The following SNTB1 variants were observed in gnomAD, a reference collection of about 807,000 sequenced individuals.
SNTB1 encodes the protein beta-1-syntrophin.
In SNTB1, 36 loss-of-function variants were observed where a neutral mutation model predicts 48.9. The ratio of observed to expected loss-of-function variants is 0.74; its 90% CI spans 0.56 to 0.97. The LOEUF (loss-of-function observed/expected upper bound fraction) is 0.97. SNTB1 is among the 50% of genes least tolerant of loss of function. The pLI is 0.00. For synonymous variants in SNTB1, 299 were observed against 294.6 expected (o/e 1.01, Z -0.15); for missense variants, 786 against 703.4 (o/e 1.12, Z -1.33).
chr8:120,806,193 A>C (rs1315168123), intron 1 of SNTB1, among the ~76,000 whole-genome samples: 2 of 152,206 alleles, frequency 1.3e-5, no homozygotes, highest in African/African-American at 2.4e-5. Context: ...TCAGAAATTT[A>C]TGAAGGCTTT....
At chr8:120,542,617 G>T (rs1480563081) in intron 5 of SNTB1, among the ~76,000 whole-genome samples, 2 of 152,014 alleles carry the variant, frequency 1.3e-5, no homozygotes, top group African/African-American at 2.4e-5. Context: ...TTGCTCCACT[G>T]TACTCCAGCC....
In SNTB1 at chr8:120,698,536, T is replaced by C. The variant is rs749834622; in HGVS notation, c.572-4628A>G. On this transcript the variant is annotated intron_variant, in intron 1 of 6. Coordinates refer to ENST00000517992, the MANE Select transcript of SNTB1 (RefSeq NM_021021.4). ...GTATAGAAAATGAAGAAGTTTGTTA[T>C]TGTGTATAATAAAAAAAAAAGCAAA... is the stretch of plus-strand genomic sequence containing the variant. Among the ~76,000 whole-genome samples, 368 of 152,156 alleles carry C rather than the reference T, an allele frequency of 2.4e-3. 2 individuals carry two copies. Among genetic ancestry groups the C allele is most frequent in the Non-Finnish European group, 2.1e-3 (145 of 67,994 alleles).
chr8:120,667,880 G>A (rs1817699828), intron 2 of SNTB1, among the ~76,000 whole-genome samples: 1 of 152,068 alleles, frequency 6.6e-6, no homozygotes, highest in East Asian at 1.9e-4. Flanking sequence ...GCCCTTATGT[G>A]TGCTCTACCC....
intron 1 of SNTB1, among the ~76,000 whole-genome samples, chr8:120,766,756 G>T (rs1314358875): frequency 6.6e-6 from 1 of 152,134 alleles, no homozygotes; most frequent in Non-Finnish European, 1.5e-5. Context: ...GCATATCATT[G>T]TTAAATCTAC....
chr8:120,758,645 C>T (rs1269414240), intron 1 of SNTB1, among the ~76,000 whole-genome samples: 2 of 152,122 alleles, frequency 1.3e-5, no homozygotes, highest in Non-Finnish European at 2.9e-5. Context: ...GGGAATATAC[C>T]TGTTTCCAGG....
chr8:120,707,225 G>T (rs1047166751), intron 1 of SNTB1, among the ~76,000 whole-genome samples: 8 of 152,058 alleles, frequency 5.3e-5, no homozygotes, highest in African/African-American at 1.9e-4. Context: ...GAGAGTGAAA[G>T]CCTAACAACT....
intron 1 of SNTB1, among the ~76,000 whole-genome samples, chr8:120,738,629 A>T (rs192747687): frequency 1.8e-3 from 275 of 148,708 alleles, no homozygotes; most frequent in Non-Finnish European, 7.8e-4. Context: ...ACAATCATCC[A>T]TCCTAGCACT....
intron 6 of SNTB1, among the ~76,000 whole-genome samples, chr8:120,540,830 C>T (rs1815274571): frequency 6.6e-6 from 1 of 152,154 alleles, no homozygotes; most frequent in East Asian, 1.9e-4. Flanking sequence ...AAACCTGGTA[C>T]TGTCTTGGTG....
chr8:120,656,073 G>A (rs561282540), intron 2 of SNTB1, among the ~76,000 whole-genome samples: 4 of 152,284 alleles, frequency 2.6e-5, no homozygotes, highest in South Asian at 4.1e-4. Flanking sequence ...GAGGAAATCC[G>A]TGAACACCAT....
At chr8:120,691,458 C>T (rs930323632) in intron 2 of SNTB1, among the ~76,000 whole-genome samples, 1 of 152,160 alleles carries the variant, frequency 6.6e-6, no homozygotes, top group Non-Finnish European at 1.5e-5. Flanking sequence ...ACTCAGAGAG[C>T]TGTTAAGAGG....
In SNTB1 at chr8:120,538,980, A is replaced by G; in HGVS notation, c.1525-11T>C. On this transcript the variant is annotated splice_polypyrimidine_tract_variant and intron_variant, in intron 6 of 6. Coordinates refer to ENST00000517992, the MANE Select transcript of SNTB1 (RefSeq NM_021021.4). ...ATGAAGGTCCAGTTGCTGAAATTTA[A>G]AAAGAAGAGAGCATGAGCGATTTTA... The G allele has an allele frequency of 6.2e-7, 1 of 1,602,492 alleles. No homozygotes were observed. Among genetic ancestry groups the G allele is most frequent in the Non-Finnish European group, 8.5e-7 (1 of 1,174,836 alleles).
rs573455816 is a variant in SNTB1, at chr8:120,643,895, G to A, written c.789-11244C>T. Among the ~76,000 whole-genome samples, 187 of 152,324 alleles carry A rather than the reference G, an allele frequency of 1.2e-3. 1 individual carries two copies. Among genetic ancestry groups the A allele is most frequent in the African/African-American group, 4.2e-3 (175 of 41,570 alleles). ...ACATTCCCACCAGCAGACACACCAT[G>A]AGTTCTGGTTTATTCTTTTTGTTAG... On this transcript the variant is annotated intron_variant, in intron 2 of 6. Transcript: ENST00000517992.
chr8:120,583,514 AACACACACACACACAC>A (rs10524445), intron 3 of SNTB1, among the ~76,000 whole-genome samples: 14 of 143,148 alleles, frequency 9.8e-5, no homozygotes, highest in East Asian at 4.1e-4. Context: ...TCCGTCTCAA[AACACACACACACACAC>A]ACACACACAC....
At chr8:120,627,595 A>C (rs1484410921) in intron 3 of SNTB1, among the ~76,000 whole-genome samples, 3 of 152,208 alleles carry the variant, frequency 2.0e-5, no homozygotes, top group African/African-American at 7.2e-5. Flanking sequence ...GAATGGAAGC[A>C]GTTGAAGATA....
intron 1 of SNTB1, among the ~76,000 whole-genome samples, chr8:120,746,478 T>C (rs77998574): frequency 0.07 from 10,701 of 152,246 alleles, 535 homozygotes; most frequent in East Asian, 0.18. Context: ...CAGAGATTGC[T>C]GCCCCAAGCC....
chr8:120,656,480 AT>A (rs1817505430), intron 2 of SNTB1, among the ~76,000 whole-genome samples: 1 of 152,174 alleles, frequency 6.6e-6, no homozygotes, highest in Admixed American at 6.5e-5. Flanking sequence ...TAAAGAAAAT[AT>A]TTTGTTTTCT....
intron 3 of SNTB1, among the ~76,000 whole-genome samples, chr8:120,599,970 T>C (rs1816396995): frequency 6.6e-6 from 1 of 152,220 alleles, no homozygotes; most frequent in South Asian, 2.1e-4. Flanking sequence ...AATTTATTTG[T>C]TGTTAAAAAC....
chr8:120,639,660 G>C (rs922076091), intron 2 of SNTB1, among the ~76,000 whole-genome samples: 21 of 151,990 alleles, frequency 1.4e-4, no homozygotes, highest in East Asian at 1.9e-4. Context: ...TCTTGTTTTT[G>C]TCAGGTTTGT....
intron 1 of SNTB1, among the ~76,000 whole-genome samples, chr8:120,700,282 G>C (rs1331356041): frequency 6.6e-6 from 1 of 152,090 alleles, no homozygotes; most frequent in Non-Finnish European, 1.5e-5. Flanking sequence ...GATTTTGTAA[G>C]CTTGAACTAT....
Sources: allele counts gnomAD v4.1 joint callset (sites outside exome capture counted in the v4.1 genomes callset), GRCh38; gene constraint gnomAD v4.1.1; transcripts MANE v1.5; gene names NCBI Gene and HGNC (gene_info 2026-07-23, HGNC 2026-07-21).